AFG3L2: variants seen among roughly 807,000 people sequenced by gnomAD.
AFG3L2 encodes mitochondrial inner membrane m-AAA protease component AFG3L2.
AFG3L2 carries 54 observed loss-of-function variants against 94.5 expected under a neutral mutation model. The ratio of observed to expected loss-of-function variants is 0.57; its 90% CI spans 0.46 to 0.72. The LOEUF is 0.72. AFG3L2 is among the 30% of genes least tolerant of loss of function. The pLI, the probability that AFG3L2 is intolerant of heterozygous loss-of-function variation, is 0.00. For synonymous variants in AFG3L2, 377 were observed against 365.5 expected, an observed-to-expected ratio of 1.03 and a Z score of -0.36; for missense variants, 754 against 994.9, an observed-to-expected ratio of 0.76 and a Z score of 3.26.
chr18:12,339,996 G>C (rs1044241255), intron 15 of AFG3L2, among the ~76,000 whole-genome samples: 4 of 152,140 alleles, frequency 2.6e-5, no homozygotes, highest in Non-Finnish European at 4.4e-5. Context: ...CTCCAGCCTG[G>C]GCAACAGAGG....
chr18:12,345,789 C>T (rs1908114267), intron 13 of AFG3L2, among the ~76,000 whole-genome samples: 1 of 152,222 alleles, frequency 6.6e-6, no homozygotes, highest in Non-Finnish European at 1.5e-5. Flanking sequence ...CCTGTCTCTA[C>T]AGTGAATTAT....
intron 3 of AFG3L2, among the ~76,000 whole-genome samples, chr18:12,367,883 C>G (rs1908854684): frequency 6.6e-6 from 1 of 152,076 alleles, no homozygotes; most frequent in South Asian, 2.1e-4. Context: ...AAGACCCTGC[C>G]TCTGGCCGGG....
intron 9 of AFG3L2, among the ~76,000 whole-genome samples, chr18:12,356,121 CAA>C (rs55757012): frequency 1.4e-5 from 2 of 138,300 alleles, no homozygotes; most frequent in African/African-American, 2.7e-5. Context: ...ATGTTGTCAC[CAA>C]AAAAAAAAAA....
In AFG3L2 at chr18:12,344,207, C is replaced by T; in HGVS notation, c.1704G>A (p.Lys568=). The T allele has an allele frequency of 6.2e-7, 1 of 1,614,214 alleles. No individual in the cohort carries two copies. Residue 568 remains lysine (K), a synonymous_variant, in exon 14 of 17, where the codon AAG becomes AAA. Coordinates refer to ENST00000269143, the MANE Select transcript of AFG3L2 (RefSeq NM_006796.3). ...CTGCTTCGTGGTATGCCACAGTCTT[C>T]TTCTCCTCAGGCTGCAGAACCTGCG... is the stretch of plus-strand genomic sequence containing the variant. ...KKTQVLQPEE[K]KTVAYHEAGH...
intron 14 of AFG3L2, chr18:12,343,032 C>T (rs1483350972): frequency 3.9e-5 from 6 of 152,060 alleles, no homozygotes; most frequent in African/African-American, 9.7e-5. Context: ...GCTATAATTA[C>T]CAGAGATTGC....
intron 14 of AFG3L2, chr18:12,343,818 T>G (rs1740029471): frequency 4.5e-6 from 2 of 440,188 alleles, no homozygotes; most frequent in South Asian, 2.2e-5. Flanking sequence ...GTGTGGAGAT[T>G]ATGAAAAACC....
At chr18:12,332,930 T>C (rs961691361) in intron 16 of AFG3L2, among the ~76,000 whole-genome samples, 33 of 129,540 alleles carry the variant, frequency 2.5e-4, no homozygotes, top group African/African-American at 9.5e-4. Context: ...ATATAACATA[T>C]ACTATATAAC....
chr18:12,338,481 C>A (rs931307377), intron 15 of AFG3L2, among the ~76,000 whole-genome samples: 1 of 152,050 alleles, frequency 6.6e-6, no homozygotes, highest in African/African-American at 2.4e-5. Flanking sequence ...CTAACCAGCA[C>A]CACAAAGGAG....
intron 10 of AFG3L2, among the ~76,000 whole-genome samples, 187 bp downstream of exon 10, chr18:12,352,818 T>G (rs1283983954): frequency 1.3e-5 from 2 of 152,020 alleles, no homozygotes; most frequent in Non-Finnish European, 2.9e-5. Context: ...TTTGGGGACA[T>G]GAAAGGCATA....
intron 3 of AFG3L2, among the ~76,000 whole-genome samples, chr18:12,368,612 G>T (rs774858984): frequency 6.6e-6 from 1 of 152,052 alleles, no homozygotes; most frequent in African/African-American, 2.4e-5. Context: ...GTACAATGGC[G>T]TGATCTCAGC....
intron 15 of AFG3L2, 55 bp from the exon 16 acceptor site, chr18:12,337,590 A>C (rs1368568660): frequency 6.4e-7 from 1 of 1,560,914 alleles, no homozygotes; most frequent in Non-Finnish European, 8.8e-7. Context: ...AACCAGACAA[A>C]ATCTACACAG....
intron 12 of AFG3L2, 88 bp downstream of exon 12, chr18:12,350,997 T>C: frequency 1.3e-6 from 2 of 1,556,678 alleles, no homozygotes; most frequent in Non-Finnish European, 1.8e-6. Context: ...AGTAAAGAAG[T>C]GAAAAGGTAA....
intron 15 of AFG3L2, among the ~76,000 whole-genome samples, chr18:12,339,236 C>CAAA (rs539968042): frequency 0.01 from 423 of 41,298 alleles, 17 homozygotes; most frequent in Non-Finnish European, 0.013. Flanking sequence ...GACTCTGTCT[C>CAAA]AAAAAAAAAA....
chr18:12,352,288 C>T (rs1432120303), intron 10 of AFG3L2, among the ~76,000 whole-genome samples: 3 of 152,180 alleles, frequency 2.0e-5, no homozygotes, highest in South Asian at 2.1e-4. Context: ...CATCGCGGGA[C>T]GGAGGAGGCT....
intron 15 of AFG3L2, 46 bp from the exon 16 acceptor site, chr18:12,337,581 A>C (rs754917710): frequency 6.3e-7 from 1 of 1,592,804 alleles, no homozygotes; most frequent in Non-Finnish European, 8.6e-7. Flanking sequence ...TTGTTCTTTA[A>C]CCAGACAAAA....
chr18:12,373,101 G>A (rs1323230388), intron 1 of AFG3L2, among the ~76,000 whole-genome samples: 3 of 152,130 alleles, frequency 2.0e-5, no homozygotes, highest in African/African-American at 7.2e-5. Context: ...AATAAATACA[G>A]AATTCCACAC....
In AFG3L2 at chr18:12,377,224, T is replaced by C. The variant is rs1909196130; in HGVS notation, c.-142A>G. 1 of 665,414 alleles carries C rather than the reference T, an allele frequency of 1.5e-6. No homozygotes were observed. Among genetic ancestry groups the C allele is most frequent in the African/African-American group, 1.9e-5 (1 of 51,372 alleles). The allele number at this position is 665,414 out of a possible 1,614,324, so 41.2% of individuals were successfully genotyped here. A position where few individuals can be genotyped will look rare whatever the true frequency, so the allele number is the denominator to read the frequency against. ...CGGCGGCTCACGGAGGAGCCCAAGC[T>C]CTCAACGCGGCGTCTCCTGCCGCCA... On this transcript the variant is annotated 5_prime_UTR_variant, in exon 1 of 17. Transcript: ENST00000269143.
In AFG3L2 at chr18:12,367,119, T is replaced by C. The variant is rs1339738002; in HGVS notation, c.400-2A>G. On this transcript the variant is annotated splice_acceptor_variant, in intron 4 of 16. Coordinates refer to ENST00000269143, the MANE Select transcript of AFG3L2 (RefSeq NM_006796.3). LOFTEE classifies it high-confidence loss of function. ...CTTGTCGTCCCATGGAATGTCACCC[T>C]GGGCAGAGAGGGAGACAGCTTCTGT... 1 of 1,614,210 alleles carries C rather than the reference T, an allele frequency of 6.2e-7. No homozygotes were observed. Among genetic ancestry groups the C allele is most frequent in the Non-Finnish European group, 8.5e-7 (1 of 1,180,032 alleles).
intron 6 of AFG3L2, 199 bp from the exon 7 acceptor site, chr18:12,360,250 A>G: frequency 1.7e-6 from 1 of 574,490 alleles, no homozygotes. Context: ...ATTCTTGGCA[A>G]ATAAGCATTT....
Sources: allele counts gnomAD v4.1 joint callset (sites outside exome capture counted in the v4.1 genomes callset), GRCh38; gene constraint gnomAD v4.1.1; transcripts MANE v1.5; gene names NCBI Gene and HGNC (gene_info 2026-07-23, HGNC 2026-07-21).